ASIC5: variants seen among roughly 807,000 people sequenced by gnomAD.
ASIC5 encodes the protein bile acid-sensitive ion channel.
A neutral mutation model predicts 51.2 loss-of-function variants in ASIC5; 52 were observed. The ratio of observed to expected loss-of-function variants is 1.02; its 90% CI spans 0.81 to 1.28. ASIC5 has a LOEUF of 1.28. Ranked by LOEUF, ASIC5 falls within the 50% of genes most tolerant of loss-of-function variation. The probability of loss-of-function intolerance (pLI) is 0.00; values close to 1 mark genes in which losing one functional copy is unlikely to be tolerated. For missense variants in ASIC5, 635 were observed against 595.0 expected (o/e 1.07, Z -0.70); for synonymous variants, 231 against 200.7 (o/e 1.15, Z -1.28).
At chr4:155,845,359 T>A (rs1741216447) in intron 4 of ASIC5, among the ~76,000 whole-genome samples, 1 of 148,264 alleles carries the variant, frequency 6.7e-6, no homozygotes. Context: ...TTGTGGGTTT[T>A]TTTTTTGTTT....
At chr4:155,857,287 C>A (rs951327153) in intron 2 of ASIC5, among the ~76,000 whole-genome samples, 2 of 152,004 alleles carry the variant, frequency 1.3e-5, no homozygotes, top group East Asian at 3.9e-4. Context: ...CCATGCCCAG[C>A]TAATTTTTGT....
At chr4:155,832,673 A>G (rs1560739197) in intron 8 of ASIC5, among the ~76,000 whole-genome samples, 1 of 152,116 alleles carries the variant, frequency 6.6e-6, no homozygotes, top group African/African-American at 2.4e-5. Context: ...GTTCCAAGTC[A>G]AATCCTTCAC....
intron 2 of ASIC5, among the ~76,000 whole-genome samples, chr4:155,862,518 G>A (rs757845733): frequency 6.6e-6 from 1 of 152,074 alleles, no homozygotes; most frequent in Non-Finnish European, 1.5e-5. Flanking sequence ...AAAATCCTAT[G>A]TATGGTATTT....
intron 3 of ASIC5, among the ~76,000 whole-genome samples, chr4:155,852,565 T>TA (rs1357864839): frequency 6.6e-6 from 1 of 151,940 alleles, no homozygotes; most frequent in Non-Finnish European, 1.5e-5. Flanking sequence ...TTAAAACATT[T>TA]AAAAAAATTA....
intron 4 of ASIC5, among the ~76,000 whole-genome samples, chr4:155,849,074 A>G (rs1412347384): frequency 1.3e-5 from 2 of 152,098 alleles, no homozygotes; most frequent in East Asian, 1.9e-4. Flanking sequence ...ACAGGACACA[A>G]TTGGAGAAAC....
chr4:155,854,565 C>T (rs1456278140), intron 2 of ASIC5, among the ~76,000 whole-genome samples: 8 of 152,026 alleles, frequency 5.3e-5, no homozygotes, highest in Non-Finnish European at 1.5e-5. Flanking sequence ...CCTAATGGAT[C>T]TTCAAGATTC....
chr4:155,833,129 C>T (rs945875979), intron 8 of ASIC5, among the ~76,000 whole-genome samples: 56 of 152,178 alleles, frequency 3.7e-4, no homozygotes, highest in African/African-American at 1.1e-3. Context: ...AATACCTAGA[C>T]GACTCCTGAA....
At position 155,854,306 on chromosome 4, in the gene ASIC5, G is replaced by T. The variant is rs893232212; in HGVS notation, c.356C>A (p.Thr119Lys). The change falls in exon 3 of 10, where the codon ACA becomes AAA. Residue 119 changes from threonine (T) to lysine (K), a missense_variant. Thr to Lys is a moderately conservative substitution (Grantham distance 78). Coordinates refer to ENST00000537611, the MANE Select transcript of ASIC5 (RefSeq NM_017419.3). ...AACACCAAATTTGGCTACAGCATCT[G>T]TTTGGAACCTATTAGCAGGAATGAA... ...VTFCNLNRFQTDAVAKFGVIF... is the reference protein window; with the variant it reads ...VTFCNLNRFQKDAVAKFGVIF... 2 of 1,598,872 alleles carry T rather than the reference G, an allele frequency of 1.3e-6. No individual in the cohort carries two copies. The highest frequency in any genetic ancestry group is 1.7e-6 in the Non-Finnish European group (2 of 1,167,146).
At chr4:155,846,917 C>G (rs7662516) in intron 4 of ASIC5, among the ~76,000 whole-genome samples, 10,939 of 151,630 alleles carry the variant, frequency 0.072, 1,023 homozygotes, top group African/African-American at 0.22. Flanking sequence ...CAAAGCTTAT[C>G]TAAAGGTTAT....
At chr4:155,864,664 G>A (rs1741815944) in intron 1 of ASIC5, 1 of 152,034 alleles carries the variant, frequency 6.6e-6, no homozygotes, top group Non-Finnish European at 1.5e-5. Context: ...TACCTTTTCT[G>A]TCAAATGGCA....
At chr4:155,844,091 T>C (rs1741182780) in intron 4 of ASIC5, among the ~76,000 whole-genome samples, 1 of 152,048 alleles carries the variant, frequency 6.6e-6, no homozygotes, top group South Asian at 2.1e-4. Flanking sequence ...GCTTGTCTCA[T>C]CATTTTTCTT....
In ASIC5 at chr4:155,863,602, A is replaced by G; in HGVS notation, c.193T>C (p.Trp65Arg). ...ACTGAGCCCAGAACCACCACCAACC[A>G]GAGCACCCTGCGAATTTTGCTCCGG... ...QNRSKIRRVL[W>R]LVVVLGSVSL... Residue 65 changes from tryptophan (W) to arginine (R), a missense_variant, in exon 2 of 10, where the codon TGG (tryptophan) becomes CGG (arginine). By Grantham distance (101) the Trp-to-Arg change is moderately radical (BLOSUM62 -3). Coordinates refer to ENST00000537611, the MANE Select transcript of ASIC5 (RefSeq NM_017419.3). 1 of 1,613,832 alleles carries G rather than the reference A, an allele frequency of 6.2e-7. No homozygotes were observed. The highest frequency in any genetic ancestry group is 8.5e-7 in the Non-Finnish European group (1 of 1,179,910).
In ASIC5 at chr4:155,842,065, G is replaced by A. The variant is rs557132529; in HGVS notation, c.1009+142C>T. 7 of 757,848 alleles carry A rather than the reference G, an allele frequency of 9.2e-6. No homozygotes were observed. The African/African-American group carries it at 1.2e-4, about 13-fold the overall frequency. 46.9% of individuals were successfully genotyped at this position (757,848 alleles called of 1,614,324 possible). On this transcript the variant is annotated intron_variant, in intron 6 of 9. Coordinates refer to ENST00000537611, the MANE Select transcript of ASIC5 (RefSeq NM_017419.3). ...AATATAATAATTTTTCTGTGAATGG[G>A]TCAGCAACATCTGTAATTACACTTA...
intron 8 of ASIC5, among the ~76,000 whole-genome samples, chr4:155,832,633 G>C (rs1010902676): frequency 1.3e-5 from 2 of 151,966 alleles, no homozygotes; most frequent in African/African-American, 4.8e-5. Context: ...TTTCTACTTG[G>C]ATGTCTAATA....
At chr4:155,848,439 T>C (rs1054853447) in intron 4 of ASIC5, among the ~76,000 whole-genome samples, 2 of 152,098 alleles carry the variant, frequency 1.3e-5, no homozygotes, top group Non-Finnish European at 2.9e-5. Context: ...TTGGGCTGTA[T>C]TTATGTAAAT....
At chr4:155,840,917 T>C (rs563242107) in intron 6 of ASIC5, among the ~76,000 whole-genome samples, 7 of 151,922 alleles carry the variant, frequency 4.6e-5, no homozygotes, top group African/African-American at 1.4e-4. Flanking sequence ...CTGGCCCATC[T>C]GGTTTTGTGA....
intron 4 of ASIC5, among the ~76,000 whole-genome samples, chr4:155,849,903 A>T (rs1741340835): frequency 6.6e-6 from 1 of 152,008 alleles, no homozygotes; most frequent in Non-Finnish European, 1.5e-5. Context: ...GGCCTATATG[A>T]ATATTTCCAG....
At chr4:155,864,497 A>C (rs1321315856) in intron 1 of ASIC5, 2 of 152,096 alleles carry the variant, frequency 1.3e-5, no homozygotes, top group Non-Finnish European at 2.9e-5. Flanking sequence ...ATTTCTTTCC[A>C]TTTGTTCATA....
chr4:155,852,128 T>G (rs180770115), intron 4 of ASIC5, 63 bp downstream of exon 4: 153 of 1,582,046 alleles, frequency 9.7e-5, no homozygotes, highest in Non-Finnish European at 1.3e-4. Flanking sequence ...CCCAATAGTC[T>G]GATCAAGTTT....
Sources: gnomAD v4.1 joint callset for allele counts (sites outside exome capture counted in the v4.1 genomes callset) on GRCh38, gnomAD v4.1.1 for gene constraint, MANE v1.5 for transcripts, NCBI Gene and HGNC (gene_info 2026-07-23, HGNC 2026-07-21) for gene names.